DRAM2: variants seen among roughly 807,000 people sequenced by gnomAD.
DRAM2 encodes the protein DNA damage regulated autophagy modulator 2.
Under a neutral mutation model 33.5 loss-of-function variants are expected in DRAM2, and 26 were observed. That is an observed-to-expected ratio of 0.78 (90% CI 0.57 to 1.08). The LOEUF is 1.08. Among genes scored for constraint, DRAM2 ranks in the 50% least tolerant of loss-of-function variants. DRAM2 has a pLI of 0.00. For synonymous variants in DRAM2, 98 were observed against 109.5 expected, an observed-to-expected ratio of 0.89 and a Z score of 0.66; for missense variants, 311 against 318.1, an observed-to-expected ratio of 0.98 and a Z score of 0.17.
intron 4 of DRAM2, among the ~76,000 whole-genome samples, chr1:111,130,947 C>T (rs1490319873): frequency 6.7e-6 from 1 of 148,328 alleles, no homozygotes; most frequent in African/African-American, 2.5e-5. Flanking sequence ...GCGGAGGTTG[C>T]AGTGAGGTGA....
intron 3 of DRAM2, among the ~76,000 whole-genome samples, chr1:111,133,803 C>T (rs957221530): frequency 2.6e-5 from 4 of 152,228 alleles, no homozygotes; most frequent in Admixed American, 6.5e-5. Flanking sequence ...CTCTCTAGCA[C>T]ACCTTCAGAC....
In DRAM2 at chr1:111,118,124, G is replaced by C; in HGVS notation, c.*36C>G. The C allele has an allele frequency of 6.3e-7, 1 of 1,590,748 alleles. No homozygotes were observed. The highest frequency in any genetic ancestry group is 1.3e-5 in the African/African-American group (1 of 74,482). ...CTGTGAACCTTTCCCCAATCCCTGA[G>C]AATCATAATCATTACAGAAATATTT... On this transcript the variant is annotated 3_prime_UTR_variant, in exon 10 of 10. Transcript: ENST00000484310.
In DRAM2 at chr1:111,119,885, C is replaced by T. The variant is rs1377736910; in HGVS notation, c.592G>A (p.Glu198Lys). Residue 198 changes from glutamate (E) to lysine (K), a missense_variant, in exon 8 of 10, where the codon GAG becomes AAG. Coordinates refer to ENST00000484310, the MANE Select transcript of DRAM2 (RefSeq NM_001349884.2). ...AGACTGTAAGTTCTTACTTTGTCCT[C>T]GGGGTTCCAATGGAGTTTCTGTTCT... Reference protein sequence around the residue: ...DLEQKLHWNPEDKGYVLHMIT... With the variant: ...DLEQKLHWNPKDKGYVLHMIT... 20 of 1,612,354 alleles carry T rather than the reference C, an allele frequency of 1.2e-5. No individual in the cohort carries two copies. The highest frequency in any genetic ancestry group is 2.2e-5 in the South Asian group (2 of 91,010).
intron 6 of DRAM2, 90 bp downstream of exon 6, chr1:111,124,652 A>G: frequency 2.2e-6 from 3 of 1,381,160 alleles, no homozygotes; most frequent in South Asian, 1.3e-5. Flanking sequence ...AGAAATAACA[A>G]CAGCATGTAA....
chr1:111,119,083 C>T (rs1360623330), intron 8 of DRAM2, among the ~76,000 whole-genome samples, 186 bp from the exon 9 acceptor site: 1 of 151,894 alleles, frequency 6.6e-6, no homozygotes, highest in Non-Finnish European at 1.5e-5. Context: ...TCCTAAATGA[C>T]ACTCTATTTG....
At chr1:111,122,949 A>G (rs984826289) in intron 6 of DRAM2, among the ~76,000 whole-genome samples, 2 of 152,212 alleles carry the variant, frequency 1.3e-5, no homozygotes, top group Non-Finnish European at 2.9e-5. Flanking sequence ...AATTGAGATA[A>G]AAGTGGAAAG....
intron 3 of DRAM2, among the ~76,000 whole-genome samples, chr1:111,135,442 T>A (rs1652969786): frequency 6.6e-6 from 1 of 152,232 alleles, no homozygotes; most frequent in Non-Finnish European, 1.5e-5. Flanking sequence ...TCAGCTTTTT[T>A]ATTGTTGTTG....
At chr1:111,124,985 TTCCTTTTAAAATTAA>T (rs1650721992) in intron 5 of DRAM2, 104 bp from the exon 6 acceptor site, 1 of 992,634 alleles carries the variant, frequency 1.0e-6, no homozygotes. Flanking sequence ...ATCACAGATT[TTCCTTTTAAAATTAA>T]TCAGAGAGAA....
intron 3 of DRAM2, among the ~76,000 whole-genome samples, chr1:111,134,184 T>C (rs930749586): frequency 5.3e-5 from 8 of 152,208 alleles, no homozygotes; most frequent in African/African-American, 1.7e-4. Context: ...TTAAGAAACA[T>C]TGGTACAAAT....
intron 6 of DRAM2, among the ~76,000 whole-genome samples, chr1:111,122,828 G>C (rs946453744): frequency 5.9e-5 from 9 of 152,074 alleles, no homozygotes; most frequent in African/African-American, 2.2e-4. Flanking sequence ...GTTAACAAAA[G>C]AGAAAAAGTA....
chr1:111,134,103 C>G (rs148127234), intron 3 of DRAM2, among the ~76,000 whole-genome samples: 423 of 152,300 alleles, frequency 2.8e-3, no homozygotes, highest in Non-Finnish European at 4.7e-3. Context: ...ACTCATACCC[C>G]ACATCACCAC....
intron 2 of DRAM2, among the ~76,000 whole-genome samples, chr1:111,138,637 A>T (rs1653797938): frequency 1.3e-5 from 2 of 152,170 alleles, no homozygotes; most frequent in Admixed American, 6.5e-5. Flanking sequence ...TACAAAAATT[A>T]GCTGGGCGTG....
intron 4 of DRAM2, among the ~76,000 whole-genome samples, chr1:111,126,785 A>G (rs1418082495): frequency 1.3e-5 from 2 of 152,230 alleles, no homozygotes; most frequent in South Asian, 2.1e-4. Flanking sequence ...ACGGGAACAC[A>G]GTGATAAGTA....
At chr1:111,120,189 C>T (rs1238424973) in intron 7 of DRAM2, among the ~76,000 whole-genome samples, 7 of 151,684 alleles carry the variant, frequency 4.6e-5, no homozygotes, top group Non-Finnish European at 7.4e-5. Flanking sequence ...AGAAAATTAG[C>T]AGTTCTATCA....
At chr1:111,131,692 C>T (rs184446048) in intron 3 of DRAM2, 124 bp from the exon 4 acceptor site, 2 of 833,142 alleles carry the variant, frequency 2.4e-6, no homozygotes, top group African/African-American at 3.4e-5. Context: ...AATCATCCCT[C>T]ATGCCATACC....
chr1:111,118,399 C>T lies in DRAM2; in HGVS notation c.694-132G>A. 3 of 629,966 alleles carry T rather than the reference C, an allele frequency of 4.8e-6. 1 individual carries two copies. The South Asian group carries it at 6.4e-5, about 13-fold the overall frequency. 39.0% of individuals were successfully genotyped at this position (629,966 alleles called of 1,614,324 possible). A position where few individuals can be genotyped will look rare whatever the true frequency, so the allele number is the denominator to read the frequency against. Reference sequence around the variant, plus strand: ...TAATGGTAGTGAGACAGCTGTTTTACTGTCAAAGGTATCCTCTTTGTACCA... The same window carrying T: ...TAATGGTAGTGAGACAGCTGTTTTATTGTCAAAGGTATCCTCTTTGTACCA... On this transcript the variant is annotated intron_variant, in intron 9 of 9. Transcript: ENST00000484310.
At chr1:111,125,708 G>T (rs1457294668) in intron 5 of DRAM2, 2 of 152,186 alleles carry the variant, frequency 1.3e-5, no homozygotes, top group East Asian at 3.8e-4. Flanking sequence ...CACACTTGAT[G>T]GAAAAATATT....
chr1:111,118,675 T>C (rs765734610), intron 9 of DRAM2, 130 bp downstream of exon 9: 9 of 618,472 alleles, frequency 1.5e-5, no homozygotes, highest in African/African-American at 9.6e-5. Flanking sequence ...CACTTGTTTA[T>C]GATACCAAAT....
rs1039426505 is a variant in DRAM2, at chr1:111,130,088, T to TA, written c.131+1335dup. On this transcript the variant is annotated intron_variant, in intron 4 of 9. Coordinates refer to ENST00000484310, the MANE Select transcript of DRAM2 (RefSeq NM_001349884.2). ...TTGGCCTTTTGGCTAAGATCAAGTG[T>TA]AAAAAAAGAGGGTTATGAACATAGT... Among the ~76,000 whole-genome samples the TA allele has an allele frequency of 9.2e-5, 14 of 152,264 alleles. 1 individual carries two copies. The South Asian group carries it at 1.9e-3, about 20-fold the overall frequency.
Sources: gnomAD v4.1 joint callset for allele counts (sites outside exome capture counted in the v4.1 genomes callset) on GRCh38, gnomAD v4.1.1 for gene constraint, MANE v1.5 for transcripts, NCBI Gene and HGNC (gene_info 2026-07-23, HGNC 2026-07-21) for gene names.